Variants in LUZP2 observed in about 807,000 individuals in gnomAD.
The protein encoded by LUZP2 is leucine zipper protein 2.
A neutral mutation model predicts 51.6 loss-of-function variants in LUZP2; 52 were observed. The observed-to-expected ratio is 1.01, with a 90% CI of 0.81 to 1.27. LUZP2 has a LOEUF of 1.27. LUZP2 is among the 50% of genes most tolerant of loss of function. The pLI is 0.00. For synonymous variants in LUZP2, 154 were observed against 137.3 expected (o/e 1.12, Z -0.85); for missense variants, 436 against 395.4 (o/e 1.10, Z -0.87).
At chr11:24,804,005 A>AAC (rs1849776303) in intron 5 of LUZP2, among the ~76,000 whole-genome samples, 1 of 151,620 alleles carries the variant, frequency 6.6e-6, no homozygotes, top group African/African-American at 2.4e-5. Flanking sequence ...GGAAAAAAAA[A>AAC]AAAAAAAAAA....
intron 1 of LUZP2, among the ~76,000 whole-genome samples, chr11:24,564,984 C>T (rs1323352707): frequency 6.6e-6 from 1 of 152,086 alleles, no homozygotes; most frequent in East Asian, 1.9e-4. Flanking sequence ...TTAGTGATCC[C>T]AGATTTGGGG....
At position 24,704,876 on chromosome 11, in the gene LUZP2, C is replaced by G. The variant is rs114980320; in HGVS notation, c.63-24293C>G. Among the ~76,000 whole-genome samples, 796 of 152,190 alleles carry G rather than the reference C, an allele frequency of 5.2e-3. 12 individuals are homozygous for G. The highest frequency in any genetic ancestry group is 0.018 in the African/African-American group (743 of 41,534). ...TATAGTCCCAGGCTCTCTTCAAATA[C>G]ATTAAACTTGAAATAAAACCTTCAG... On this transcript the variant is annotated intron_variant, in intron 1 of 11. Coordinates refer to ENST00000336930, the MANE Select transcript of LUZP2 (RefSeq NM_001009909.4).
chr11:24,638,074 A>T (rs968156856), intron 1 of LUZP2, among the ~76,000 whole-genome samples: 3 of 151,814 alleles, frequency 2.0e-5, no homozygotes, highest in Non-Finnish European at 2.9e-5. Flanking sequence ...ACTTAGGGAA[A>T]ATAGAAAAGA....
chr11:24,982,740 T>G (rs912342966), intron 8 of LUZP2, among the ~76,000 whole-genome samples: 2 of 151,668 alleles, frequency 1.3e-5, no homozygotes, highest in African/African-American at 4.8e-5. Context: ...TTAACAAACC[T>G]TCATACATGT....
At chr11:24,958,600 G>C (rs71478112) in intron 7 of LUZP2, among the ~76,000 whole-genome samples, 1 of 151,538 alleles carries the variant, frequency 6.6e-6, no homozygotes, top group Non-Finnish European at 1.5e-5. Context: ...TGATGGGGTT[G>C]TTTGTTTTTT....
chr11:24,885,762 C>T (rs1852650215), intron 5 of LUZP2, among the ~76,000 whole-genome samples: 1 of 152,056 alleles, frequency 6.6e-6, no homozygotes, highest in Admixed American at 6.6e-5. Context: ...TTTTCACACA[C>T]GTGGATGCTG....
chr11:24,988,935 T>C (rs1856257610), intron 9 of LUZP2, among the ~76,000 whole-genome samples: 1 of 151,814 alleles, frequency 6.6e-6, no homozygotes, highest in Non-Finnish European at 1.5e-5. Context: ...CAACACAGAA[T>C]TATATTTGCA....
intron 7 of LUZP2, among the ~76,000 whole-genome samples, chr11:24,944,984 T>C (rs915134744): frequency 6.6e-6 from 1 of 152,192 alleles, no homozygotes; most frequent in Non-Finnish European, 1.5e-5. Flanking sequence ...GTTTTGAGTT[T>C]GAAGACACTG....
intron 5 of LUZP2, among the ~76,000 whole-genome samples, chr11:24,875,692 T>C (rs1202276199): frequency 6.6e-6 from 1 of 151,156 alleles, no homozygotes; most frequent in Non-Finnish European, 1.5e-5. Context: ...ACTTCCACAA[T>C]GGTTGAACTA....
intron 7 of LUZP2, among the ~76,000 whole-genome samples, chr11:24,950,517 A>G (rs768469193): frequency 2.6e-5 from 4 of 151,560 alleles, no homozygotes; most frequent in African/African-American, 4.8e-5. Flanking sequence ...GACAGATACA[A>G]TTATGAGGCA....
chr11:24,937,261 G>A (rs892435851), intron 7 of LUZP2, among the ~76,000 whole-genome samples: 1 of 152,188 alleles, frequency 6.6e-6, no homozygotes, highest in Non-Finnish European at 1.5e-5. Flanking sequence ...CTTAGTAGAT[G>A]TAGCTTGATG....
chr11:24,688,362 T>C (rs2133883798), intron 1 of LUZP2, among the ~76,000 whole-genome samples: 1 of 152,274 alleles, frequency 6.6e-6, no homozygotes, highest in Non-Finnish European at 1.5e-5. Flanking sequence ...GGTCAGGATT[T>C]ACCCTCAGGA....
intron 5 of LUZP2, among the ~76,000 whole-genome samples, chr11:24,765,055 G>T (rs143363726): frequency 3.6e-3 from 545 of 152,164 alleles, no homozygotes; most frequent in Non-Finnish European, 5.2e-3. Flanking sequence ...AATGAAAATT[G>T]ATAACCAAAA....
chr11:24,524,440 G>C (rs572047338), intron 1 of LUZP2, among the ~76,000 whole-genome samples: 1 of 151,734 alleles, frequency 6.6e-6, no homozygotes, highest in East Asian at 1.9e-4. Flanking sequence ...CCATTTTATT[G>C]ACTCTGAGGC....
chr11:24,735,177 G>A (rs1046569233), intron 3 of LUZP2, among the ~76,000 whole-genome samples: 1 of 151,916 alleles, frequency 6.6e-6, no homozygotes, highest in Non-Finnish European at 1.5e-5. Context: ...AAGACAAACA[G>A]AGAAAGGAGT....
At chr11:24,813,835 T>C (rs755416357) in intron 5 of LUZP2, among the ~76,000 whole-genome samples, 3 of 152,220 alleles carry the variant, frequency 2.0e-5, no homozygotes, top group Non-Finnish European at 4.4e-5. Flanking sequence ...GGAGGCAGGA[T>C]AGAATAGTGG....
chr11:24,885,742 G>A (rs1852649723), intron 5 of LUZP2, among the ~76,000 whole-genome samples: 1 of 152,082 alleles, frequency 6.6e-6, no homozygotes, highest in South Asian at 2.1e-4. Context: ...TTATCTAAAC[G>A]TGTTCCATTT....
Position 24,897,181 on chromosome 11 carries a change from A to G in LUZP2, c.397-8810A>G, listed in dbSNP as rs552563927. On this transcript the variant is annotated intron_variant, in intron 5 of 11. Transcript: ENST00000336930. ...TAGCTCAGGGATTGTAAACACACCA[A>G]TCACACTCTGTCAAAACGGACCAAT... Among the ~76,000 whole-genome samples, 17 of 103,154 alleles carry G rather than the reference A, an allele frequency of 1.6e-4. No homozygotes were observed. The East Asian group carries it at 4.1e-3, about 25-fold the overall frequency. The allele number at this position is 103,154 out of a possible 152,430, so 67.7% of individuals were successfully genotyped here. A position where few individuals can be genotyped will look rare whatever the true frequency, so the allele number is the denominator to read the frequency against.
At chr11:24,644,143 C>T (rs966631015) in intron 1 of LUZP2, among the ~76,000 whole-genome samples, 9 of 152,144 alleles carry the variant, frequency 5.9e-5, no homozygotes, top group South Asian at 2.1e-4. Context: ...TTCCATTGAA[C>T]GTGCTACAGT....
Sources: gnomAD v4.1 joint callset for allele counts (sites outside exome capture counted in the v4.1 genomes callset) on GRCh38, gnomAD v4.1.1 for gene constraint, MANE v1.5 for transcripts, NCBI Gene and HGNC (gene_info 2026-07-23, HGNC 2026-07-21) for gene names.